SEMA6D: variants seen among roughly 807,000 people sequenced by gnomAD.
SEMA6D encodes semaphorin-6D.
In SEMA6D, 35 loss-of-function variants were observed where a neutral mutation model predicts 106.6. The observed-to-expected ratio is 0.33, with a 90% CI of 0.25 to 0.44. SEMA6D has a LOEUF of 0.44. Ranked by LOEUF, SEMA6D falls within the 20% of genes least tolerant of loss-of-function variation. SEMA6D has a pLI of 1.00. For missense variants in SEMA6D, 1,185 were observed against 1,345.9 expected (o/e 0.88, Z 1.87); for synonymous variants, 499 against 487.7 (o/e 1.02, Z -0.31).
At chr15:47,264,869 ATCT>A (rs1311792500) in intron 1 of SEMA6D, among the ~76,000 whole-genome samples, 2 of 152,084 alleles carry the variant, frequency 1.3e-5, no homozygotes, top group African/African-American at 2.4e-5. Flanking sequence ...TTTTGAGATA[ATCT>A]TTAAAAAATT....
In SEMA6D at chr15:47,768,736, G is replaced by A. The variant is rs1039328685; in HGVS notation, c.1921G>A (p.Gly641Ser). The stretch of plus-strand genomic sequence containing the variant: ...TTCTGATTTTACTGATCCTTTATCG[G>A]GTATCCCAAAGGGTAAGGCCTCAGC... ...NTSDFTDPLS[G>S]IPKGVRWEVQ... is the part of the protein sequence containing the mutation. The change falls in exon 18 of 19, where the codon GGT becomes AGT. Residue 641 changes from glycine to serine, a missense_variant. By Grantham distance (56) the Gly-to-Ser change is moderately conservative. Transcript: ENST00000536845. The A allele has an allele frequency of 1.4e-5, 22 of 1,612,668 alleles. No homozygotes were observed. The highest frequency in any genetic ancestry group is 1.8e-5 in the Non-Finnish European group (21 of 1,179,220).
At chr15:47,571,934 A>T (rs2046396349) in intron 3 of SEMA6D, among the ~76,000 whole-genome samples, 1 of 152,194 alleles carries the variant, frequency 6.6e-6, no homozygotes, top group Admixed American at 6.5e-5. Context: ...TCCTTGAAAA[A>T]CAAAACCTAT....
chr15:47,733,313 T>A (rs1397516070), intron 1 of SEMA6D, among the ~76,000 whole-genome samples: 1 of 152,186 alleles, frequency 6.6e-6, no homozygotes, highest in Non-Finnish European at 1.5e-5. Flanking sequence ...AATAATACAA[T>A]AAATCAGTCC....
chr15:47,385,045 A>ATTT (rs374354563), intron 1 of SEMA6D, among the ~76,000 whole-genome samples: 184 of 94,340 alleles, frequency 2.0e-3, no homozygotes, highest in African/African-American at 7.1e-3. Context: ...CTGGACTGTA[A>ATTT]TTTTTTTTTT....
At chr15:47,703,927 ACCTTTTC>A (rs988316579) in intron 4 of SEMA6D, among the ~76,000 whole-genome samples, 3 of 152,162 alleles carry the variant, frequency 2.0e-5, no homozygotes, top group African/African-American at 7.2e-5. Flanking sequence ...TGAAGGCAAA[ACCTTTTC>A]ACAGTACATG....
chr15:47,477,750 C>T (rs1008013817), intron 3 of SEMA6D, among the ~76,000 whole-genome samples: 1 of 151,958 alleles, frequency 6.6e-6, no homozygotes, highest in Non-Finnish European at 1.5e-5. Context: ...TTTTCTGAGG[C>T]TTGCAGTGTA....
intron 3 of SEMA6D, among the ~76,000 whole-genome samples, chr15:47,496,594 A>G (rs2043667596): frequency 6.6e-6 from 1 of 151,970 alleles, no homozygotes; most frequent in South Asian, 2.1e-4. Flanking sequence ...AAATGGCCCT[A>G]ATTCACCTCT....
chr15:47,730,367 C>T, intron 1 of SEMA6D: 11 of 1,443,780 alleles, frequency 7.6e-6, no homozygotes, highest in South Asian at 5.7e-5. Context: ...GTGGACTAGA[C>T]GTCCCAGTCT....
intron 4 of SEMA6D, among the ~76,000 whole-genome samples, chr15:47,631,215 C>T (rs1011947456): frequency 6.6e-6 from 1 of 151,782 alleles, no homozygotes; most frequent in African/African-American, 2.4e-5. Flanking sequence ...AGTGATAACT[C>T]TGGGGCCTGA....
chr15:47,526,958 C>A (rs761221814), intron 3 of SEMA6D, among the ~76,000 whole-genome samples: 44 of 152,110 alleles, frequency 2.9e-4, no homozygotes, highest in Non-Finnish European at 5.7e-4. Flanking sequence ...AGGCTGATCT[C>A]GAACTCCTGA....
Position 47,210,240 on chromosome 15 carries a change from C to A in SEMA6D, c.-239+25822C>A, listed in dbSNP as rs537769595. Among the ~76,000 whole-genome samples, 6 of 152,202 alleles carry A rather than the reference C, an allele frequency of 3.9e-5. No homozygotes were observed. The East Asian group carries it at 1.2e-3, about 29-fold the overall frequency. ...GGTTCAAATAATAATTCATCCAAGC[C>A]AAGATTTCTTTTTCTGCACATTTCT... On this transcript the variant is annotated intron_variant, in intron 1 of 19. Coordinates refer to the SEMA6D transcript ENST00000558014.
upstream of SEMA6D, among the ~76,000 whole-genome samples, chr15:47,716,796 T>C (rs2079126736): frequency 1.3e-5 from 2 of 152,106 alleles, no homozygotes; most frequent in African/African-American, 4.8e-5. Context: ...AAAATTATAC[T>C]GTACAGAATG....
chr15:47,674,927 C>G (rs550274981), intron 4 of SEMA6D, among the ~76,000 whole-genome samples: 1 of 152,224 alleles, frequency 6.6e-6, no homozygotes, highest in Non-Finnish European at 1.5e-5. Flanking sequence ...TAGCACCTGC[C>G]AAATTCTAGG....
intron 1 of SEMA6D, among the ~76,000 whole-genome samples, chr15:47,204,223 A>G (rs1204973716): frequency 1.3e-5 from 2 of 152,174 alleles, no homozygotes; most frequent in Admixed American, 6.6e-5. Context: ...TGAAAAATTT[A>G]ACCTCCTGTG....
chr15:47,374,657 A>G (rs1251276823), intron 1 of SEMA6D, among the ~76,000 whole-genome samples: 1 of 152,134 alleles, frequency 6.6e-6, no homozygotes, highest in East Asian at 1.9e-4. Flanking sequence ...GGTTTTCTAT[A>G]TGATTGCTGA....
At chr15:47,327,799 C>T (rs1397991714) in intron 1 of SEMA6D, among the ~76,000 whole-genome samples, 2 of 152,146 alleles carry the variant, frequency 1.3e-5, no homozygotes. Context: ...CTCAGGAGTG[C>T]TTTGCAGGCA....
intron 1 of SEMA6D, among the ~76,000 whole-genome samples, chr15:47,724,828 T>A (rs2079636468): frequency 6.6e-6 from 1 of 152,188 alleles, no homozygotes; most frequent in South Asian, 2.1e-4. Context: ...ATGAATAGGA[T>A]CAATCTTGTG....
rs540583175 is a variant in SEMA6D, at chr15:47,332,733, C to T, written c.-238-79660C>T. Among the ~76,000 whole-genome samples, 32 of 152,294 alleles carry T rather than the reference C, an allele frequency of 2.1e-4. No homozygotes were observed. The South Asian group carries it at 5.2e-3, about 25-fold the overall frequency. The stretch of plus-strand genomic sequence containing the variant: ...CCGTGATCTTAAGAGCCTTATCTGC[C>T]AGATTAGCCTTTAGGGCTGTTCACA... On this transcript the variant is annotated intron_variant, in intron 1 of 19. Transcript: ENST00000558014.
intron 4 of SEMA6D, chr15:47,606,112 A>G (rs904980136): frequency 6.6e-6 from 1 of 151,894 alleles, no homozygotes; most frequent in Admixed American, 6.6e-5. Flanking sequence ...TACTTTTTTT[A>G]TATATATAGA....
Sources: gnomAD v4.1 joint callset for allele counts (sites outside exome capture counted in the v4.1 genomes callset) on GRCh38, gnomAD v4.1.1 for gene constraint, MANE v1.5 for transcripts, NCBI Gene and HGNC (gene_info 2026-07-23, HGNC 2026-07-21) for gene names.